The following RARB variants were observed in gnomAD, a reference collection of about 807,000 sequenced individuals.
RARB encodes HBV-activated protein.
A neutral mutation model predicts 51.9 loss-of-function variants in RARB; 17 were observed. The observed-to-expected ratio is 0.33, with a 90% confidence interval of 0.22 to 0.49. RARB has a LOEUF of 0.49. Among genes scored for constraint, RARB ranks in the 20% least tolerant of loss-of-function variants. The probability of loss-of-function intolerance (pLI) is 0.99; values close to 1 mark genes in which losing one functional copy is unlikely to be tolerated. For missense variants in RARB, 369 were observed against 550.8 expected, an observed-to-expected ratio of 0.67 and a Z score of 3.30; for synonymous variants, 215 against 195.4, an observed-to-expected ratio of 1.10 and a Z score of -0.84.
In RARB at chr3:25,388,115, T is replaced by C. The variant is rs58052673; in HGVS notation, c.179-73078T>C. 5.5e-3 allele frequency among the ~76,000 whole-genome samples: 835 copies of C among 152,300 alleles called. 7 individuals carry two copies. The highest frequency in any genetic ancestry group is 0.019 in the African/African-American group (790 of 41,568). On this transcript the variant is annotated intron_variant, in intron 5 of 11. Coordinates refer to the RARB transcript ENST00000383772. ...TATATGTTGATTTTTGACAGTGAAA[T>C]ACTATAATTAACTCAGACTATTTTC... is the stretch of plus-strand genomic sequence containing the variant.
At chr3:25,120,579 G>A (rs1392919322) in intron 3 of RARB, among the ~76,000 whole-genome samples, 1 of 135,770 alleles carries the variant, frequency 7.4e-6, no homozygotes, top group Non-Finnish European at 1.6e-5. Context: ...GCCTATTAGA[G>A]TATAATTTTC....
chr3:25,229,445 C>T (rs1470165009), intron 5 of RARB, among the ~76,000 whole-genome samples: 1 of 152,128 alleles, frequency 6.6e-6, no homozygotes, highest in East Asian at 1.9e-4. Context: ...GTACAGCTCT[C>T]TGTAAACTAC....
intron 5 of RARB, among the ~76,000 whole-genome samples, chr3:25,407,523 C>G (rs1265973481): frequency 1.3e-5 from 2 of 152,120 alleles, no homozygotes; most frequent in African/African-American, 4.8e-5. Flanking sequence ...GTATTTCTGT[C>G]CCTTTGAGCA....
In RARB at chr3:25,117,082, C is replaced by T. The variant is rs562091633; in HGVS notation, c.-327-15079C>T. The stretch of plus-strand genomic sequence containing the variant: ...TAATTTTTCTCATTCATTCAATCAA[C>T]GAACCAGTGTTTTTTGAATGCTTAA... On this transcript the variant is annotated intron_variant, in intron 3 of 11. Transcript: ENST00000383772. Among the ~76,000 whole-genome samples, 101 of 152,232 alleles carry T rather than the reference C, an allele frequency of 6.6e-4. 1 individual carries two copies. The highest frequency in any genetic ancestry group is 2.2e-3 in the Admixed American group (33 of 15,288).
chr3:25,209,388 C>G (rs906791848), intron 5 of RARB, among the ~76,000 whole-genome samples: 1 of 152,236 alleles, frequency 6.6e-6, no homozygotes, highest in Non-Finnish European at 1.5e-5. Flanking sequence ...GTTTATTCTT[C>G]TCTTTCAGAA....
At chr3:25,298,296 C>A (rs1703964871) in intron 5 of RARB, among the ~76,000 whole-genome samples, 1 of 151,916 alleles carries the variant, frequency 6.6e-6, no homozygotes, top group Admixed American at 6.6e-5. Flanking sequence ...AATTCTCCTG[C>A]CTCAGCCTCC....
chr3:25,101,170 G>T (rs1699393306), intron 3 of RARB, among the ~76,000 whole-genome samples: 1 of 152,242 alleles, frequency 6.6e-6, no homozygotes, highest in South Asian at 2.1e-4. Flanking sequence ...ACCAGAAAAT[G>T]ATGAGGATTT....
chr3:24,861,069 C>A (rs920576199), intron 2 of RARB, among the ~76,000 whole-genome samples: 1 of 152,102 alleles, frequency 6.6e-6, no homozygotes, highest in Non-Finnish European at 1.5e-5. Context: ...ATATAGTTGA[C>A]CACTGAGGGT....
intron 2 of RARB, chr3:25,020,086 G>C (rs1697595922): frequency 6.6e-6 from 1 of 150,558 alleles, no homozygotes; most frequent in Admixed American, 6.6e-5. Context: ...AAAAGGTACA[G>C]ATGTATACTC....
intron 1 of RARB, among the ~76,000 whole-genome samples, chr3:25,444,096 T>A (rs1708824434): frequency 6.6e-6 from 1 of 152,212 alleles, no homozygotes; most frequent in African/African-American, 2.4e-5. Flanking sequence ...AAGTGCTTAT[T>A]ATGTGTCAGG....
chr3:25,468,808 C>G (rs1575433304), intron 2 of RARB, among the ~76,000 whole-genome samples: 1 of 152,338 alleles, frequency 6.6e-6, no homozygotes, highest in African/African-American at 2.4e-5. Flanking sequence ...AGAACCCACA[C>G]ATGGGCATGT....
intron 2 of RARB, among the ~76,000 whole-genome samples, chr3:24,933,483 AG>A: frequency 6.6e-6 from 1 of 152,200 alleles, no homozygotes; most frequent in South Asian, 2.1e-4. Context: ...TGGCTTTGTC[AG>A]GTTCTTTAGT....
intron 5 of RARB, among the ~76,000 whole-genome samples, chr3:25,210,259 C>T (rs545029645): frequency 3.3e-5 from 5 of 152,168 alleles, no homozygotes; most frequent in South Asian, 2.1e-4. Flanking sequence ...CATATCATTT[C>T]TCCTTCCTGT....
At chr3:25,437,548 CGTT>C (rs1313847802) in intron 1 of RARB, among the ~76,000 whole-genome samples, 3 of 152,100 alleles carry the variant, frequency 2.0e-5, no homozygotes, top group African/African-American at 2.4e-5. Context: ...TGACACAAGT[CGTT>C]GTCACATAAC....
chr3:25,303,774 C>T lies in RARB; in HGVS notation c.178+129199C>T, dbSNP rs564097652. ...ATTTCAGTAAAGCTGCTTTGAGCACCGTAGAGCCACAGCCAGCCGGGCAGA... is the reference window on the plus strand; with the variant it reads ...ATTTCAGTAAAGCTGCTTTGAGCACTGTAGAGCCACAGCCAGCCGGGCAGA... On this transcript the variant is annotated intron_variant, in intron 5 of 11. Transcript: ENST00000383772. Among the ~76,000 whole-genome samples the T allele has an allele frequency of 4.6e-5, 7 of 152,230 alleles. No homozygotes were observed. The East Asian group carries it at 5.8e-4, about 13-fold the overall frequency.
intron 5 of RARB, among the ~76,000 whole-genome samples, chr3:25,360,840 G>A (rs1365039779): frequency 6.6e-6 from 1 of 152,190 alleles, no homozygotes; most frequent in Non-Finnish European, 1.5e-5. Context: ...TTTCTGCAGA[G>A]AGATCCACTG....
rs997005023 is a variant in RARB at position 24,898,305 on chromosome 3, A to T, written c.-380+39553A>T. Among the ~76,000 whole-genome samples, 3 of 148,590 alleles carry T rather than the reference A, an allele frequency of 2.0e-5. No homozygotes were observed. The South Asian group carries it at 6.4e-4, about 31-fold the overall frequency. Reference sequence around the variant, plus strand: ...AATAAATAGGAAATAAATGAAAAATAGGAATAAATTATAAATATAATATTT... The same window carrying T: ...AATAAATAGGAAATAAATGAAAAATTGGAATAAATTATAAATATAATATTT... On this transcript the variant is annotated intron_variant, in intron 2 of 11. Transcript: ENST00000383772.
chr3:25,390,211 AG>A (rs2125486481), intron 5 of RARB, among the ~76,000 whole-genome samples: 1 of 152,270 alleles, frequency 6.6e-6, no homozygotes, highest in East Asian at 1.9e-4. Flanking sequence ...GAGGCCTGAA[AG>A]CCAGGTGCTG....
intron 5 of RARB, among the ~76,000 whole-genome samples, chr3:25,417,287 C>T (rs75305803): frequency 0.084 from 12,774 of 151,776 alleles, 555 homozygotes; most frequent in Middle Eastern, 0.15. Flanking sequence ...ATGTTCCCTG[C>T]CACTGACCAG....
Sources: allele counts gnomAD v4.1 joint callset (sites outside exome capture counted in the v4.1 genomes callset), GRCh38; gene constraint gnomAD v4.1.1; transcripts MANE v1.5; gene names NCBI Gene and HGNC (gene_info 2026-07-23, HGNC 2026-07-21).